NUTM2B: variants seen among roughly 807,000 people sequenced by gnomAD.
NUTM2B encodes the protein family with sequence similarity 22, member B.
A neutral mutation model predicts 42.4 loss-of-function variants in NUTM2B; 2 were observed. That is an observed-to-expected ratio of 0.05 (90% CI 0.02 to 0.15). The LOEUF is 0.15. Ranked by LOEUF, NUTM2B falls within the 10% of genes least tolerant of loss-of-function variation. The pLI, the probability that NUTM2B is intolerant of heterozygous loss-of-function variation, is 1.00. For synonymous variants in NUTM2B, 18 were observed against 402.4 expected (o/e 0.04, Z 11.43); for missense variants, 58 against 952.6 (o/e 0.06, Z 12.36).
chr10:79,699,419 A>G (rs1840273890), upstream of NUTM2B, among the ~76,000 whole-genome samples: 1 of 151,508 alleles, frequency 6.6e-6, no homozygotes, highest in Non-Finnish European at 1.5e-5. Flanking sequence ...ACTCCTACAC[A>G]CTCTCACAAA....
the NUTM2B span, among the ~76,000 whole-genome samples, chr10:79,698,110 T>G: frequency 7.0e-6 from 1 of 143,784 alleles, no homozygotes; most frequent in African/African-American, 2.6e-5. Flanking sequence ...ATATACACAC[T>G]CACAAACTAC....
upstream of NUTM2B, among the ~76,000 whole-genome samples, chr10:79,699,892 G>A (rs556446664): frequency 1.5e-3 from 227 of 152,096 alleles, 1 homozygote; most frequent in African/African-American, 5.0e-3. Flanking sequence ...AAAACCACCC[G>A]CACAAATCTC....
Position 79,709,701 on chromosome 10 carries a change from C to T in NUTM2B, c.1212-99C>T, listed in dbSNP as rs1211523657. 1.0e-3 allele frequency: 721 copies of T among 712,644 alleles called. 2 individuals carry two copies. The highest frequency in any genetic ancestry group is 1.4e-3 in the Non-Finnish European group (686 of 483,420). 44.1% of individuals were successfully genotyped at this position (712,644 alleles called of 1,614,324 possible). A position where few individuals can be genotyped will look rare whatever the true frequency, so the allele number is the denominator to read the frequency against. ...ACAGTGAGGGCCTGGACAGCCCACC[C>T]GAGGCACTCCCTCCTATCCCTGCCC... On this transcript the variant is annotated intron_variant, in intron 3 of 6. Transcript: ENST00000429828.
At chr10:79,693,036 T>G in the NUTM2B span, among the ~76,000 whole-genome samples, 1 of 152,182 alleles carries the variant, frequency 6.6e-6, no homozygotes, top group African/African-American at 2.4e-5. Context: ...TCATATGCGC[T>G]GACATGCCCC....
chr10:79,696,516 G>C, the NUTM2B span, among the ~76,000 whole-genome samples: 1 of 151,420 alleles, frequency 6.6e-6, no homozygotes, highest in Non-Finnish European at 1.5e-5. Context: ...AACTGAGATA[G>C]GATAGGGTGG....
chr10:79,695,767 G>A, the NUTM2B span, among the ~76,000 whole-genome samples: 1 of 151,924 alleles, frequency 6.6e-6, no homozygotes, highest in Non-Finnish European at 1.5e-5. Context: ...TGACTGTGCT[G>A]ATCACACGGA....
chr10:79,699,866 A>C (rs545975075), upstream of NUTM2B, among the ~76,000 whole-genome samples: 1,214 of 152,244 alleles, frequency 8.0e-3, 4 homozygotes, highest in African/African-American at 0.028. Flanking sequence ...TCATATAAAC[A>C]TATTTTCACA....
At chr10:79,694,163 C>T in the NUTM2B span, among the ~76,000 whole-genome samples, 3 of 152,038 alleles carry the variant, frequency 2.0e-5, no homozygotes, top group African/African-American at 7.2e-5. Context: ...TTTGGGAGGC[C>T]GAGGCAGGTG....
At chr10:79,694,670 C>A in the NUTM2B span, among the ~76,000 whole-genome samples, 1 of 152,118 alleles carries the variant, frequency 6.6e-6, no homozygotes, top group African/African-American at 2.4e-5. Context: ...AGGGCCAGCA[C>A]CCAACATGCT....
the NUTM2B span, among the ~76,000 whole-genome samples, chr10:79,697,783 C>T: frequency 7.0e-6 from 1 of 143,530 alleles, no homozygotes; most frequent in East Asian, 2.6e-4. Context: ...TCATGCATCA[C>T]CCAGAAAAAG....
At chr10:79,694,878 C>T in the NUTM2B span, among the ~76,000 whole-genome samples, 1 of 152,134 alleles carries the variant, frequency 6.6e-6, no homozygotes, top group Non-Finnish European at 1.5e-5. Flanking sequence ...ACCCTCCTCA[C>T]TCCTTAGCAC....
chr10:79,701,272 G>A (rs963444158), upstream of NUTM2B, among the ~76,000 whole-genome samples: 3 of 152,124 alleles, frequency 2.0e-5, no homozygotes, highest in Non-Finnish European at 4.4e-5. Flanking sequence ...TTTTCCTACC[G>A]CATTCAAATG....
upstream of NUTM2B, among the ~76,000 whole-genome samples, chr10:79,701,148 T>A (rs905799242): frequency 1.3e-5 from 2 of 152,020 alleles, no homozygotes; most frequent in African/African-American, 4.8e-5. Context: ...AAAAATAGTA[T>A]GCCCTGTTTT....
intron 1 of NUTM2B, among the ~76,000 whole-genome samples, chr10:79,705,151 G>A (rs1173781543): frequency 7.9e-6 from 1 of 126,170 alleles, no homozygotes; most frequent in Non-Finnish European, 1.7e-5. Context: ...CCAGGGATGG[G>A]CTCCTTGTCC....
At chr10:79,696,635 G>A in the NUTM2B span, among the ~76,000 whole-genome samples, 1 of 152,208 alleles carries the variant, frequency 6.6e-6, no homozygotes. Flanking sequence ...AGAAGAAGGG[G>A]AAATCCCCAA....
chr10:79,702,250 T>C (rs9416175), upstream of NUTM2B, among the ~76,000 whole-genome samples: 13,312 of 152,038 alleles, frequency 0.088, 931 homozygotes, highest in African/African-American at 0.19. Flanking sequence ...AAGGCAGTTC[T>C]GTCTCAGAGG....
the NUTM2B span, among the ~76,000 whole-genome samples, chr10:79,695,803 C>A: frequency 6.6e-6 from 1 of 151,808 alleles, no homozygotes; most frequent in Non-Finnish European, 1.5e-5. Flanking sequence ...TTCTGCTCTG[C>A]ACAGTGTTCT....
chr10:79,706,930 C>T lies in NUTM2B; in HGVS notation c.1082+189C>T, dbSNP rs867649932. On this transcript the variant is annotated intron_variant, in intron 2 of 6. Transcript: ENST00000429828. ...GCTCAGGACAGACTGTCAGGGGCCTCATCTCAACTGCCCGTCACTGTCCCG... is the reference window on the plus strand; with the variant it reads ...GCTCAGGACAGACTGTCAGGGGCCTTATCTCAACTGCCCGTCACTGTCCCG... Among the ~76,000 whole-genome samples the T allele has an allele frequency of 5.8e-4, 64 of 109,820 alleles. No homozygotes were observed. The Middle Eastern group carries it at 0.023, about 40-fold the overall frequency. The allele number at this position is 109,820 out of a possible 152,430, so 72.0% of individuals were successfully genotyped here. A position where few individuals can be genotyped will look rare whatever the true frequency, so the allele number is the denominator to read the frequency against.
chr10:79,702,315 A>G (rs576207236), upstream of NUTM2B, among the ~76,000 whole-genome samples: 621 of 151,272 alleles, frequency 4.1e-3, 3 homozygotes, highest in South Asian at 0.02. Flanking sequence ...CTCCCCTCCC[A>G]GTGGCCACTG....
Sources: gnomAD v4.1 joint callset for allele counts (sites outside exome capture counted in the v4.1 genomes callset) on GRCh38, gnomAD v4.1.1 for gene constraint, MANE v1.5 for transcripts, NCBI Gene and HGNC (gene_info 2026-07-23, HGNC 2026-07-21) for gene names.